The following ATP7A variants were observed in gnomAD, a reference collection of about 807,000 sequenced individuals.
ATP7A encodes the protein ATPase copper transporting alpha.
ATP7A carries 7 observed loss-of-function variants against 83.5 expected under a neutral mutation model. The ratio of observed to expected loss-of-function variants is 0.08; its 90% CI spans 0.05 to 0.16. The LOEUF is 0.16. Ranked by LOEUF, ATP7A falls within the 10% of genes least tolerant of loss-of-function variation. The pLI is 1.00. For missense variants in ATP7A, 940 were observed against 1,120.8 expected (o/e 0.84, Z 2.30); for synonymous variants, 354 against 395.2 (o/e 0.90, Z 1.24).
At chrX:77,988,178 T>G (rs782082962) in intron 2 of ATP7A, 64 bp from the exon 3 acceptor site, 58 of 1,101,321 alleles carry the variant, frequency 5.3e-5, no homozygotes, top group Non-Finnish European at 6.7e-5. Flanking sequence ...GTGTGATGAT[T>G]ATTATTTTAA....
chrX:77,995,139 C>G (rs2077694052), intron 4 of ATP7A, among the ~76,000 whole-genome samples: 1 of 111,801 alleles, frequency 8.9e-6, no homozygotes, highest in South Asian at 3.7e-4. Context: ...TGTAACTACC[C>G]ATTTTTTAAG....
In ATP7A at chrX:78,042,807, C is replaced by A. The variant is rs1231604254; in HGVS notation, c.4005+19C>A. 6.7e-6 allele frequency: 8 copies of A among 1,201,317 alleles called. No homozygotes were observed. The African/African-American group carries it at 8.8e-5, about 13-fold the overall frequency. On this transcript the variant is annotated intron_variant, in intron 20 of 22. Transcript: ENST00000341514. ...GATAAGGGTAAGTGCCATGGCTTGA[C>A]CTTTGAGGAGTATGAGACTGCCCTA...
chrX:77,926,408 G>A (rs2077241440), intron 1 of ATP7A, among the ~76,000 whole-genome samples: 1 of 111,636 alleles, frequency 9.0e-6, no homozygotes, highest in South Asian at 3.8e-4. Flanking sequence ...TCAGCCCACT[G>A]CAACCTCTGC....
At chrX:77,940,737 C>G (rs1557225555) in intron 1 of ATP7A, among the ~76,000 whole-genome samples, 1 of 111,678 alleles carries the variant, frequency 9.0e-6, no homozygotes, top group Non-Finnish European at 1.9e-5. Context: ...GGTAAACACC[C>G]AAAATAAAAA....
chrX:78,013,006 T>A lies in ATP7A; in HGVS notation c.2300T>A (p.Val767Asp). The change falls in exon 10 of 23, where the codon GTT (valine) becomes GAT (aspartate). Residue 767 changes from valine to aspartate, a missense_variant. Physicochemically the swap from Val to Asp is radical, Grantham distance 152. Coordinates refer to ENST00000341514, the MANE Select transcript of ATP7A (RefSeq NM_000052.7). Reference protein sequence around the residue: ...AFAYSLIILLVAMYERAKVNP... With the variant: ...AFAYSLIILLDAMYERAKVNP... Reference sequence around the variant, plus strand: ...GCCTACTCTTTGATTATTCTTCTAGTTGCAATGTATGAGAGAGCCAAAGTG... The same window carrying A: ...GCCTACTCTTTGATTATTCTTCTAGATGCAATGTATGAGAGAGCCAAAGTG... The A allele has an allele frequency of 4.1e-6, 5 of 1,210,889 alleles. No individual in the cohort carries two copies. Among genetic ancestry groups the A allele is most frequent in the Non-Finnish European group, 5.6e-6 (5 of 894,829 alleles).
chrX:78,046,165 G>C (rs1329485400), intron 22 of ATP7A, 129 bp from the exon 23 acceptor site: 1 of 770,142 alleles, frequency 1.3e-6, no homozygotes, highest in African/African-American at 2.1e-5. Flanking sequence ...TTTCCTACCA[G>C]TGATCACCTT....
chrX:78,005,664 C>CA (rs1557233669), intron 6 of ATP7A, among the ~76,000 whole-genome samples: 1 of 30,948 alleles, frequency 3.2e-5, no homozygotes, highest in Non-Finnish European at 5.4e-5. Context: ...ACCTGGGCAA[C>CA]AACAGTGAAA....
At chrX:77,978,069 G>A (rs1452530335) in intron 2 of ATP7A, among the ~76,000 whole-genome samples, 3 of 111,023 alleles carry the variant, frequency 2.7e-5, no homozygotes, top group Non-Finnish European at 5.7e-5. Context: ...ATGGTCATGT[G>A]TTTTTGTACA....
intron 2 of ATP7A, among the ~76,000 whole-genome samples, chrX:77,985,784 G>A (rs781995877): frequency 9.1e-6 from 1 of 110,382 alleles, no homozygotes; most frequent in Non-Finnish European, 1.9e-5. Flanking sequence ...AGGACATAGC[G>A]CAGCCCTGTT....
intron 9 of ATP7A, 124 bp downstream of exon 9, chrX:78,011,798 C>G (rs1557234578): frequency 1.5e-6 from 1 of 688,195 alleles, no homozygotes. Context: ...ATGCCATATG[C>G]TTTACAAAAA....
At chrX:78,023,484 T>A (rs1288304514) in intron 14 of ATP7A, among the ~76,000 whole-genome samples, 7 of 111,939 alleles carry the variant, frequency 6.3e-5, no homozygotes, top group African/African-American at 2.3e-4. Context: ...ATTTTTTTAA[T>A]TATAGCCATT....
chrX:77,962,081 T>C (rs2077477154), intron 1 of ATP7A, among the ~76,000 whole-genome samples: 1 of 111,298 alleles, frequency 9.0e-6, no homozygotes, highest in African/African-American at 3.3e-5. Context: ...AATAGTAAAA[T>C]TGGACTTCTT....
At chrX:77,969,707 C>A in intron 1 of ATP7A, 1 of 1,157,711 alleles carries the variant, frequency 8.6e-7, no homozygotes, top group South Asian at 1.9e-5. Flanking sequence ...GCTGAAAATT[C>A]TTTTTCCCAC....
chrX:77,983,606 C>T (rs1557231094), intron 2 of ATP7A, among the ~76,000 whole-genome samples: 2 of 112,394 alleles, frequency 1.8e-5, no homozygotes, highest in African/African-American at 6.5e-5. Flanking sequence ...TCTCCCACTA[C>T]TGCCTTCATC....
Position 78,046,177 on chromosome X carries a change from A to G in ATP7A, c.4227-117A>G, listed in dbSNP as rs190322143. The stretch of plus-strand genomic sequence containing the variant: ...TATTTTCCTACCAGTGATCACCTTT[A>G]TACATTTCATACCAAAACTAAGTGT... On this transcript the variant is annotated intron_variant, in intron 22 of 22. Transcript: ENST00000341514. 1.2e-5 allele frequency: 10 copies of G among 864,007 alleles called. No homozygotes were observed. The African/African-American group carries it at 1.4e-4, about 12-fold the overall frequency. 71.2% of individuals were successfully genotyped at this position (864,007 alleles called of 1,213,427 possible).
In ATP7A at chrX:78,045,571, C is replaced by T. The variant is rs2149113574; in HGVS notation, c.4225C>T (p.Leu1409Phe). 6 of 1,186,662 alleles carry T rather than the reference C, an allele frequency of 5.1e-6. No individual in the cohort carries two copies. Among genetic ancestry groups the T allele is most frequent in the Non-Finnish European group, 4.6e-6 (4 of 872,759 alleles). The change falls in exon 22 of 23, where the codon CTT becomes TTT. Residue 1409 changes from leucine to phenylalanine, a missense_variant and splice_region_variant. Around this residue, in one of 3 missense-constraint regions of ATP7A, gnomAD observed 386 missense variants for 502.2 expected, o/e 0.77. Transcript: ENST00000341514. ...SVVLSSLFLK[L>F]YRKPTYESYE... ...AGTACTTTCTTCTCTCTTCCTTAAA[C>T]TGTAAGTATGATAGCTTGCTCACAT...
At chrX:77,996,559 C>G (rs782232102) in intron 4 of ATP7A, among the ~76,000 whole-genome samples, 1 of 111,729 alleles carries the variant, frequency 9.0e-6, no homozygotes, top group East Asian at 2.8e-4. Context: ...AGGCTTTGCT[C>G]TTTTGCTTGC....
intron 2 of ATP7A, chrX:77,975,716 C>A (rs1255769192): frequency 3.6e-5 from 4 of 110,474 alleles, no homozygotes; most frequent in African/African-American, 9.9e-5. Flanking sequence ...GCCTGGAACT[C>A]CTGACCTCAG....
intron 7 of ATP7A, 139 bp from the exon 8 acceptor site, chrX:78,011,037 C>T: frequency 7.9e-6 from 4 of 505,306 alleles, no homozygotes; most frequent in Non-Finnish European, 1.4e-5. Flanking sequence ...GCAGGAAGCA[C>T]ATCTTCATCT....
Sources: gnomAD v4.1 joint callset for allele counts (sites outside exome capture counted in the v4.1 genomes callset) on GRCh38, gnomAD v4.1.1 for gene constraint, gnomAD v4.1.1 regional missense constraint, MANE v1.5 for transcripts, NCBI Gene and HGNC (gene_info 2026-07-23, HGNC 2026-07-21) for gene names.